STXBP6: variants seen among roughly 807,000 people sequenced by gnomAD.
The protein encoded by STXBP6 is syntaxin binding protein 6.
A neutral mutation model predicts 26.9 loss-of-function variants in STXBP6; 21 were observed. The observed-to-expected ratio is 0.78, with a 90% CI of 0.55 to 1.12. The LOEUF (loss-of-function observed/expected upper bound fraction) is 1.12, where lower values mean the gene tolerates loss of function less well. Ranked by LOEUF, STXBP6 falls within the 50% of genes most tolerant of loss-of-function variation. The pLI is 0.00. For synonymous variants in STXBP6, 97 were observed against 92.6 expected, an observed-to-expected ratio of 1.05 and a Z score of -0.27; for missense variants, 232 against 257.9, an observed-to-expected ratio of 0.90 and a Z score of 0.69.
intron 2 of STXBP6, among the ~76,000 whole-genome samples, chr14:24,943,509 A>C (rs1335745439): frequency 6.6e-6 from 1 of 152,196 alleles, no homozygotes; most frequent in Admixed American, 6.5e-5. Flanking sequence ...CAAAACCTTA[A>C]ATTTTCACAT....
intron 2 of STXBP6, among the ~76,000 whole-genome samples, chr14:24,872,663 G>C (rs1431044625): frequency 1.3e-5 from 2 of 152,196 alleles, no homozygotes; most frequent in African/African-American, 4.8e-5. Flanking sequence ...AACGAGAGTA[G>C]GGAGATGCCA....
intron 4 of STXBP6, among the ~76,000 whole-genome samples, chr14:24,829,472 T>C (rs1958352): frequency 0.025 from 3,875 of 152,250 alleles, 149 homozygotes; most frequent in East Asian, 0.18. Context: ...CAAATAAAAG[T>C]GTTTCCTTTC....
intron 2 of STXBP6, among the ~76,000 whole-genome samples, chr14:24,862,801 C>G (rs952959327): frequency 1.3e-5 from 2 of 152,268 alleles, no homozygotes; most frequent in East Asian, 3.9e-4. Flanking sequence ...TATGGGAAGG[C>G]TGCTTTAATA....
chr14:24,830,026 T>C (rs1350774715), intron 4 of STXBP6, among the ~76,000 whole-genome samples: 1 of 152,022 alleles, frequency 6.6e-6, no homozygotes, highest in Non-Finnish European at 1.5e-5. Context: ...AAGCTGTGTG[T>C]GATGATAAGC....
chr14:24,974,428 G>A (rs1466532464), intron 2 of STXBP6, among the ~76,000 whole-genome samples: 4 of 152,190 alleles, frequency 2.6e-5, no homozygotes, highest in African/African-American at 9.7e-5. Flanking sequence ...AACATTTTAC[G>A]AAAGCTCTTA....
intron 2 of STXBP6, among the ~76,000 whole-genome samples, chr14:24,868,560 GAGTC>G (rs1246100414): frequency 3.3e-5 from 5 of 152,154 alleles, no homozygotes; most frequent in Admixed American, 3.3e-4. Context: ...TCTATACATG[GAGTC>G]AGAGACAAAA....
chr14:24,833,566 A>C (rs2068521805), intron 4 of STXBP6, among the ~76,000 whole-genome samples: 1 of 152,210 alleles, frequency 6.6e-6, no homozygotes, highest in Non-Finnish European at 1.5e-5. Flanking sequence ...TGGTTTTATA[A>C]GGATGTGATG....
At chr14:24,999,355 C>T (rs985760986) in intron 1 of STXBP6, among the ~76,000 whole-genome samples, 1 of 152,118 alleles carries the variant, frequency 6.6e-6, no homozygotes, top group African/African-American at 2.4e-5. Flanking sequence ...GAGTGCTCAC[C>T]AGAAACCATG....
intron 2 of STXBP6, among the ~76,000 whole-genome samples, chr14:24,888,038 G>A (rs2139497350): frequency 6.6e-6 from 1 of 152,320 alleles, no homozygotes; most frequent in Admixed American, 6.5e-5. Context: ...ATCACGTGAT[G>A]ATAAGGAAAG....
At chr14:24,877,385 A>G (rs972475113) in intron 2 of STXBP6, among the ~76,000 whole-genome samples, 5 of 151,916 alleles carry the variant, frequency 3.3e-5, no homozygotes, top group East Asian at 1.9e-4. Context: ...GTGTCCATCT[A>G]CTCCTTTCCA....
At chr14:24,902,924 T>C (rs997501457) in intron 2 of STXBP6, among the ~76,000 whole-genome samples, 16 of 152,124 alleles carry the variant, frequency 1.1e-4, no homozygotes, top group South Asian at 4.2e-4. Flanking sequence ...AGGTGATCCA[T>C]AGAATTTTAC....
chr14:24,890,911 C>A (rs1355724710), intron 2 of STXBP6, among the ~76,000 whole-genome samples: 2 of 152,196 alleles, frequency 1.3e-5, no homozygotes, highest in African/African-American at 4.8e-5. Flanking sequence ...TATACCCAGC[C>A]AAGCTAACAA....
chr14:25,000,064 T>G (rs2074715992), intron 1 of STXBP6, among the ~76,000 whole-genome samples: 1 of 151,678 alleles, frequency 6.6e-6, no homozygotes, highest in South Asian at 2.1e-4. Flanking sequence ...ACGCTTCAAA[T>G]AATTTTTTTT....
intron 2 of STXBP6, among the ~76,000 whole-genome samples, chr14:24,960,777 C>T (rs2073509647): frequency 6.6e-6 from 1 of 152,206 alleles, no homozygotes; most frequent in South Asian, 2.1e-4. Context: ...AGTAGACAGG[C>T]TCTTGCCAAG....
Position 24,825,087 on chromosome 14 carries a change from C to T in STXBP6, c.452-5893G>A, listed in dbSNP as rs72682905. On this transcript the variant is annotated intron_variant, in intron 4 of 5. Coordinates refer to ENST00000323944, the MANE Select transcript of STXBP6 (RefSeq NM_001394410.1). Reference sequence around the variant, plus strand: ...GCAGAACTTTGGAAAATCTTTAATGCGTTAATGTAAACTGAATGAAAAGGA... The same window carrying T: ...GCAGAACTTTGGAAAATCTTTAATGTGTTAATGTAAACTGAATGAAAAGGA... Among the ~76,000 whole-genome samples, 596 of 152,208 alleles carry T rather than the reference C, an allele frequency of 3.9e-3. 2 individuals are homozygous for T. The highest frequency in any genetic ancestry group is 6.7e-3 in the Non-Finnish European group (453 of 68,008).
chr14:24,999,657 T>C (rs979067854), intron 1 of STXBP6, among the ~76,000 whole-genome samples: 3 of 152,174 alleles, frequency 2.0e-5, no homozygotes, highest in Non-Finnish European at 2.9e-5. Flanking sequence ...CTGAAGACTA[T>C]AGAAGGTACA....
At chr14:24,992,635 G>T (rs1263134249) in intron 1 of STXBP6, among the ~76,000 whole-genome samples, 5 of 152,148 alleles carry the variant, frequency 3.3e-5, no homozygotes, top group African/African-American at 1.2e-4. Flanking sequence ...GTAAAATTTT[G>T]TTTATAAAAA....
At chr14:25,017,447 AG>A (rs1298662655) in intron 1 of STXBP6, among the ~76,000 whole-genome samples, 2 of 152,220 alleles carry the variant, frequency 1.3e-5, no homozygotes, top group African/African-American at 4.8e-5. Flanking sequence ...TTTAGGAAGC[AG>A]AAACTCAGAG....
intron 2 of STXBP6, among the ~76,000 whole-genome samples, chr14:24,870,170 GTTTAC>G (rs954057286): frequency 1.3e-5 from 2 of 152,064 alleles, no homozygotes; most frequent in African/African-American, 4.8e-5. Context: ...TAAAACCTCA[GTTTAC>G]TTTGACTGGA....
Sources: gnomAD v4.1 joint callset for allele counts (sites outside exome capture counted in the v4.1 genomes callset) on GRCh38, gnomAD v4.1.1 for gene constraint, MANE v1.5 for transcripts, NCBI Gene and HGNC (gene_info 2026-07-23, HGNC 2026-07-21) for gene names.